SEC31B: variants seen among roughly 807,000 people sequenced by gnomAD.
SEC31B encodes protein transport protein Sec31B.
A neutral mutation model predicts 135.0 loss-of-function variants in SEC31B; 113 were observed. The ratio of observed to expected loss-of-function variants is 0.84; its 90% CI spans 0.72 to 0.98. The LOEUF is 0.98. Among genes scored for constraint, SEC31B ranks in the 50% least tolerant of loss-of-function variants. SEC31B has a pLI of 0.00. For synonymous variants in SEC31B, 508 were observed against 549.4 expected (o/e 0.92, Z 1.05); for missense variants, 1,296 against 1,421.1 (o/e 0.91, Z 1.42).
intron 3 of SEC31B, among the ~76,000 whole-genome samples, chr10:100,515,241 G>A (rs4917902): frequency 3.3e-5 from 5 of 152,116 alleles, no homozygotes; most frequent in East Asian, 1.9e-4. Context: ...GCAGTGAGCC[G>A]TGATCGTGCC....
At position 100,490,039 on chromosome 10, in the gene SEC31B, G is replaced by A; in HGVS notation, c.2934C>T (p.Leu978=). 6.4e-7 allele frequency: 1 copy of A among 1,552,448 alleles called. No homozygotes were observed. Among genetic ancestry groups the A allele is most frequent in the South Asian group, 1.3e-5 (1 of 78,882 alleles). ...GDPGAPCSSV[L]PTTGILTPHP... ...GAGGAGTCAAGATGCCAGTGGTTGG[G>A]AGGACACTAGAGCATGGGGCACCTG... The change falls in exon 21 of 26, where the codon CTC becomes CTT. Residue 978 remains leucine, a synonymous_variant. Coordinates refer to ENST00000370345, the MANE Select transcript of SEC31B (RefSeq NM_015490.4).
At chr10:100,493,266 G>A (rs1365576961) in intron 19 of SEC31B, among the ~76,000 whole-genome samples, 4 of 152,036 alleles carry the variant, frequency 2.6e-5, no homozygotes, top group South Asian at 4.2e-4. Flanking sequence ...CAAGCTACTC[G>A]GGAGGCTGAG....
chr10:100,508,348 AGG>A lies in SEC31B; in HGVS notation c.496-299_496-298del, dbSNP rs1851672033. 4 of 528,870 alleles carry A rather than the reference AGG, an allele frequency of 7.6e-6. No homozygotes were observed. The Admixed American group carries it at 1.0e-4, about 14-fold the overall frequency. 32.8% of individuals were successfully genotyped at this position (528,870 alleles called of 1,614,324 possible). Reference sequence around the variant, plus strand: ...GCCCTCTTGTCTAGGACAAAAAAAGAGGGAGAGAAGGAGGAAGATGAGGGAGG... The same window carrying A: ...GCCCTCTTGTCTAGGACAAAAAAAGAGAGAGAAGGAGGAAGATGAGGGAGG... On this transcript the variant is annotated intron_variant, in intron 5 of 25. Transcript: ENST00000370345.
intron 25 of SEC31B, 67 bp downstream of exon 25, chr10:100,487,960 G>A: frequency 1.9e-6 from 3 of 1,556,768 alleles, no homozygotes; most frequent in Non-Finnish European, 2.7e-6. Context: ...AAAGACACTG[G>A]GCTTCCTTTG....
intron 19 of SEC31B, among the ~76,000 whole-genome samples, chr10:100,493,968 G>A (rs1165424059): frequency 1.4e-5 from 2 of 147,256 alleles, no homozygotes; most frequent in Non-Finnish European, 3.0e-5. Context: ...AGAGAGAGGA[G>A]AGGAGGGGAA....
chr10:100,490,611 C>T, intron 20 of SEC31B, 95 bp downstream of exon 20: 1 of 1,267,190 alleles, frequency 7.9e-7, no homozygotes, highest in Non-Finnish European at 1.1e-6. Context: ...TCTCACTAGA[C>T]AGACATACAG....
chr10:100,490,893 G>GA lies in SEC31B; in HGVS notation c.2473-11dup. 7.1e-7 allele frequency: 1 copy of GA among 1,401,576 alleles called. No individual in the cohort carries two copies. The highest frequency in any genetic ancestry group is 2.5e-5 in the Admixed American group (1 of 40,130). The allele number at this position is 1,401,576 out of a possible 1,614,324, so 86.8% of individuals were successfully genotyped here. ...GAGATGGAGTTGGGACCTATGAAGA[G>GA]AAAAAAACATCAGCTCTTGGAAAGG... On this transcript the variant is annotated splice_polypyrimidine_tract_variant and intron_variant, in intron 19 of 25. Transcript: ENST00000370345.
At chr10:100,493,892 A>G (rs1284455013) in intron 19 of SEC31B, among the ~76,000 whole-genome samples, 1 of 151,690 alleles carries the variant, frequency 6.6e-6, no homozygotes, top group African/African-American at 2.4e-5. Flanking sequence ...ACATCCCAGT[A>G]CATTTCTTTG....
At chr10:100,491,151 C>T (rs529462152) in intron 19 of SEC31B, among the ~76,000 whole-genome samples, 1 of 152,254 alleles carries the variant, frequency 6.6e-6, no homozygotes, top group East Asian at 1.9e-4. Context: ...ATTCATAAAT[C>T]TGACAACTTA....
chr10:100,491,268 T>C (rs983209122), intron 19 of SEC31B, among the ~76,000 whole-genome samples: 5 of 152,166 alleles, frequency 3.3e-5, no homozygotes, highest in Admixed American at 2.0e-4. Flanking sequence ...GTTTGTAATT[T>C]AAAAGCTCCC....
In SEC31B at chr10:100,496,475, A is replaced by T. The variant is rs772705946; in HGVS notation, c.2137-44T>A. 3.7e-6 allele frequency: 6 copies of T among 1,602,348 alleles called. No individual in the cohort carries two copies. The South Asian group carries it at 5.6e-5, about 15-fold the overall frequency. ...GGGTGGTAAGCCTTCAATGAGGCATATCCTGCTCTCTAAGTCCACGCAGCT... is the reference window on the plus strand; with the variant it reads ...GGGTGGTAAGCCTTCAATGAGGCATTTCCTGCTCTCTAAGTCCACGCAGCT... On this transcript the variant is annotated intron_variant, in intron 17 of 25. Coordinates refer to ENST00000370345, the MANE Select transcript of SEC31B (RefSeq NM_015490.4).
At chr10:100,516,316 G>A in intron 2 of SEC31B, 97 bp from the exon 3 acceptor site, 1 of 1,386,480 alleles carries the variant, frequency 7.2e-7, no homozygotes, top group South Asian at 1.3e-5. Context: ...ACAGAAGAGG[G>A]CTGGGTATAC....
rs761467322 is a variant in SEC31B at position 100,505,491 on chromosome 10, G to T, written c.1049C>A (p.Ser350Tyr). The T allele has an allele frequency of 6.5e-7, 1 of 1,530,178 alleles. No homozygotes were observed. The highest frequency in any genetic ancestry group is 8.7e-7 in the Non-Finnish European group (1 of 1,144,522). The allele number at this position is 1,530,178 out of a possible 1,614,324, so 94.8% of individuals were successfully genotyped here. The stretch of plus-strand genomic sequence containing the variant: ...AGGCTGGCCTTTGCTGAAGGAAGAG[G>T]AGATCTGGGGGGAAAAGACACCTGC... ...VQHMRQADKI[S>Y]SSFSKGQPLP... The change falls in exon 10 of 26, where the codon TCC becomes TAC. Residue 350 changes from serine (S) to tyrosine (Y), a missense_variant. Transcript: ENST00000370345.
rs1331473447 is a variant in SEC31B, at chr10:100,499,149, T to C, written c.1584+11A>G. The C allele has an allele frequency of 2.5e-6, 4 of 1,611,862 alleles. No homozygotes were observed. Among genetic ancestry groups the C allele is most frequent in the Non-Finnish European group, 3.4e-6 (4 of 1,178,090 alleles). ...TTACCATAGGTCAGGCTGACTGGAC[T>C]CCTACCACACCTGGCTGCAGAAGGC... On this transcript the variant is annotated intron_variant, in intron 13 of 25. Coordinates refer to ENST00000370345, the MANE Select transcript of SEC31B (RefSeq NM_015490.4).
At position 100,487,411 on chromosome 10, in the gene SEC31B, C is replaced by A. The variant is rs1384294431; in HGVS notation, c.*205G>T. 1.0e-5 allele frequency: 6 copies of A among 590,480 alleles called. No homozygotes were observed. The highest frequency in any genetic ancestry group is 6.0e-5 in the Admixed American group (2 of 33,484). 36.6% of individuals were successfully genotyped at this position (590,480 alleles called of 1,614,324 possible). A position where few individuals can be genotyped will look rare whatever the true frequency, so the allele number is the denominator to read the frequency against. On this transcript the variant is annotated 3_prime_UTR_variant, in exon 26 of 26. Transcript: ENST00000370345. ...GCCCTGCCTCCAGGCCTGAGAGTGT[C>A]TTGGACAGATCCTAGAAGGCCAGAC...
At chr10:100,499,128 C>A in intron 13 of SEC31B, 32 bp downstream of exon 13, 1 of 1,577,956 alleles carries the variant, frequency 6.3e-7, no homozygotes, top group Non-Finnish European at 8.7e-7. Context: ...CCTGTGTTAC[C>A]ATAGGTCAGG....
intron 11 of SEC31B, chr10:100,500,024 A>G (rs1851487967): frequency 2.2e-6 from 1 of 454,728 alleles, no homozygotes; most frequent in Non-Finnish European, 4.4e-6. Context: ...CCTTGCAGGG[A>G]CTCCGGAAGC....
At position 100,495,419 on chromosome 10, in the gene SEC31B, G is replaced by T. The variant is rs564407847; in HGVS notation, c.2438C>A (p.Ser813Ter). The stretch of plus-strand genomic sequence containing the variant: ...AGGCTGGGATCCCAATCTGTAAGAT[G>T]ATGTCTCTTTAGAGTGGAGGGTAGC... ...VGATLHSKET[S>*]SYRLGSQPSH... is the part of the protein sequence containing the mutation. The change falls in exon 19 of 26, where the codon TCA becomes TAA. Residue 813 changes from serine to a stop codon, truncating the protein, a stop_gained. Coordinates refer to ENST00000370345, the MANE Select transcript of SEC31B (RefSeq NM_015490.4). LOFTEE classifies it high-confidence loss of function. 6.2e-7 allele frequency: 1 copy of T among 1,614,014 alleles called. No homozygotes were observed. The highest frequency in any genetic ancestry group is 1.1e-5 in the South Asian group (1 of 91,012).
At chr10:100,510,151 T>G (rs752922171) in intron 3 of SEC31B, among the ~76,000 whole-genome samples, 5 of 152,206 alleles carry the variant, frequency 3.3e-5, no homozygotes, top group African/African-American at 1.2e-4. Context: ...CTTAACATCA[T>G]AAAATACTGT....
Sources: gnomAD v4.1 joint callset for allele counts (sites outside exome capture counted in the v4.1 genomes callset) on GRCh38, gnomAD v4.1.1 for gene constraint, MANE v1.5 for transcripts, NCBI Gene and HGNC (gene_info 2026-07-23, HGNC 2026-07-21) for gene names.